The following MAML2 variants were observed in gnomAD, a reference collection of about 807,000 sequenced individuals.
MAML2 encodes mastermind-like protein 2.
Under a neutral mutation model 96.1 loss-of-function variants are expected in MAML2, and 22 were observed. That is an observed-to-expected ratio of 0.23 (90% CI 0.16 to 0.33). MAML2 has a LOEUF of 0.33. Among genes scored for constraint, MAML2 ranks in the 10% least tolerant of loss-of-function variants. The pLI is 1.00. For synonymous variants in MAML2, 561 were observed against 521.3 expected, an observed-to-expected ratio of 1.08 and a Z score of -1.04; for missense variants, 1,367 against 1,392.4, an observed-to-expected ratio of 0.98 and a Z score of 0.29.
intron 2 of MAML2, among the ~76,000 whole-genome samples, chr11:96,034,456 AGTGTGTGT>A (rs1554998954): frequency 1.1e-4 from 16 of 144,734 alleles, no homozygotes; most frequent in Admixed American, 5.5e-4. Context: ...AGAGAGAGAG[AGTGTGTGT>A]GTGTGTGTGT....
chr11:96,092,134 G>C lies in MAML2; in HGVS notation c.1897C>G (p.Gln633Glu), dbSNP rs1859722287. 5.8e-6 allele frequency: 9 copies of C among 1,549,752 alleles called. No individual in the cohort carries two copies. The highest frequency in any genetic ancestry group is 7.9e-6 in the Non-Finnish European group (9 of 1,146,378). Residue 633 changes from glutamine to glutamate, a missense_variant, in exon 2 of 5, where the codon CAG (glutamine) becomes GAG (glutamate). Transcript: ENST00000524717. The surrounding 1 kb of genome is among the most constrained non-coding windows in gnomAD (Gnocchi z 4.1). The stretch of plus-strand genomic sequence containing the variant: ...TGCTGTTGGGCTGAAATTGAGCTCT[G>C]CTGCTGTTGCTGTTGTTGAGCTGAA... ...SISAQQQQQQQSSISAQQQQQ... is the reference protein window; with the variant it reads ...SISAQQQQQQESSISAQQQQQ...
intron 1 of MAML2, among the ~76,000 whole-genome samples, chr11:96,252,922 C>A (rs1456924198): frequency 6.6e-6 from 1 of 152,194 alleles, no homozygotes; most frequent in African/African-American, 2.4e-5. Flanking sequence ...GGTTAAAGGG[C>A]GTAATGGGAT....
intron 1 of MAML2, among the ~76,000 whole-genome samples, chr11:96,338,702 C>T (rs563175561): frequency 5.3e-4 from 80 of 152,320 alleles, no homozygotes; most frequent in African/African-American, 1.9e-3. Flanking sequence ...CTCCAAAGGA[C>T]ATTTATGGCC....
intron 2 of MAML2, among the ~76,000 whole-genome samples, chr11:96,068,034 C>T (rs1238866194): frequency 1.3e-5 from 2 of 152,026 alleles, no homozygotes; most frequent in African/African-American, 4.8e-5. Context: ...TGCCCAAGTT[C>T]GTTTTTTAAA....
At chr11:96,124,785 G>A (rs1160289860) in intron 1 of MAML2, among the ~76,000 whole-genome samples, 4 of 152,284 alleles carry the variant, frequency 2.6e-5, no homozygotes, top group Admixed American at 2.0e-4. Flanking sequence ...AAGGACCACC[G>A]ATCAGGAAAA....
intron 1 of MAML2, among the ~76,000 whole-genome samples, chr11:96,293,113 T>C (rs1449899795): frequency 6.6e-6 from 1 of 152,190 alleles, no homozygotes; most frequent in Non-Finnish European, 1.5e-5. Flanking sequence ...ACAACAGCTA[T>C]AAAGTCATGG....
At chr11:96,279,171 G>A (rs942387521) in intron 1 of MAML2, among the ~76,000 whole-genome samples, 1 of 152,196 alleles carries the variant, frequency 6.6e-6, no homozygotes, top group African/African-American at 2.4e-5. Flanking sequence ...TGAATGATGT[G>A]TCATTCAAGT....
rs945108924 is a variant in MAML2 at position 95,977,592 on chromosome 11, C to T, written c.*1356G>A. On this transcript the variant is annotated 3_prime_UTR_variant, in exon 5 of 5. Coordinates refer to ENST00000524717, the MANE Select transcript of MAML2 (RefSeq NM_032427.4). ...GAAAATGATAGTGATATTTTGCATTCATTCCAAATCAGCACACGTCTTCCC... is the reference window on the plus strand; with the variant it reads ...GAAAATGATAGTGATATTTTGCATTTATTCCAAATCAGCACACGTCTTCCC... 3 of 211,612 alleles carry T rather than the reference C, an allele frequency of 1.4e-5. No homozygotes were observed. The highest frequency in any genetic ancestry group is 6.8e-5 in the African/African-American group (3 of 44,248). 13.1% of individuals were successfully genotyped at this position (211,612 alleles called of 1,614,324 possible). A position where few individuals can be genotyped will look rare whatever the true frequency, so the allele number is the denominator to read the frequency against.
Position 96,143,665 on chromosome 11 carries a change from A to G in MAML2, c.514-50148T>C, listed in dbSNP as rs544356899. On this transcript the variant is annotated intron_variant, in intron 1 of 4. Coordinates refer to ENST00000524717, the MANE Select transcript of MAML2 (RefSeq NM_032427.4). ...TGGAAGATTATTATCCAAAACTCCAAACAACATTAATTCCTTGCACATATT... is the reference window on the plus strand; with the variant it reads ...TGGAAGATTATTATCCAAAACTCCAGACAACATTAATTCCTTGCACATATT... 6.4e-4 allele frequency among the ~76,000 whole-genome samples: 98 copies of G among 152,164 alleles called. 2 individuals are homozygous for G. Among genetic ancestry groups the G allele is most frequent in the Non-Finnish European group, 9.8e-4 (67 of 68,034 alleles).
chr11:96,264,568 C>T (rs947430699), intron 1 of MAML2, among the ~76,000 whole-genome samples: 1 of 152,308 alleles, frequency 6.6e-6, no homozygotes, highest in South Asian at 2.1e-4. Flanking sequence ...CTCTTAGTCA[C>T]GCTGGGCAAG....
chr11:95,979,557 G>T lies in MAML2; in HGVS notation c.2862C>A (p.Asn954Lys), dbSNP rs376571862. 6.2e-7 allele frequency: 1 copy of T among 1,613,874 alleles called. No individual in the cohort carries two copies. Among genetic ancestry groups the T allele is most frequent in the Middle Eastern group, 1.6e-4 (1 of 6,062 alleles). The change falls in exon 5 of 5, where the codon AAC (asparagine) becomes AAA (lysine). Residue 954 changes from asparagine to lysine, a missense_variant. Asn to Lys is a moderately conservative substitution (Grantham distance 94). Coordinates refer to ENST00000524717, the MANE Select transcript of MAML2 (RefSeq NM_032427.4). ...CAGTTGTGTTGGATGTGATCATTAC[G>T]TTTGATGTTCTCTGTGGTGGCATGC... ...MASMPPQRTSNVMITSNTTAP... is the reference protein window; with the variant it reads ...MASMPPQRTSKVMITSNTTAP...
At chr11:96,300,731 G>C (rs776371012) in intron 1 of MAML2, among the ~76,000 whole-genome samples, 1 of 152,174 alleles carries the variant, frequency 6.6e-6, no homozygotes, top group Non-Finnish European at 1.5e-5. Flanking sequence ...TCCCTGTATC[G>C]CATGACATCC....
At chr11:95,982,790 CA>C (rs1196074362) in intron 4 of MAML2, among the ~76,000 whole-genome samples, 4 of 152,140 alleles carry the variant, frequency 2.6e-5, no homozygotes, top group South Asian at 2.1e-4. Context: ...GCATGTATGA[CA>C]GTGGTCCCAT....
chr11:96,033,569 T>C (rs142748071), intron 2 of MAML2, among the ~76,000 whole-genome samples: 8 of 152,338 alleles, frequency 5.3e-5, no homozygotes, highest in Admixed American at 1.3e-4. Flanking sequence ...GCACTGTAAA[T>C]GCTCAAAAAT....
chr11:96,303,981 A>C (rs1863428003), intron 1 of MAML2, among the ~76,000 whole-genome samples: 1 of 152,214 alleles, frequency 6.6e-6, no homozygotes, highest in South Asian at 2.1e-4. Flanking sequence ...TACTATGAGC[A>C]AGGAAGTGGG....
chr11:95,990,484 A>G (rs778738929), intron 3 of MAML2, among the ~76,000 whole-genome samples: 5 of 152,102 alleles, frequency 3.3e-5, no homozygotes, highest in Non-Finnish European at 7.4e-5. Flanking sequence ...CCACTTTCAG[A>G]TATTCGGTAG....
Position 96,077,085 on chromosome 11 carries a change from C to A in MAML2, c.2139+14807G>T, listed in dbSNP as rs374402500. Among the ~76,000 whole-genome samples the A allele has an allele frequency of 5.5e-4, 84 of 152,156 alleles. 2 individuals carry two copies. The South Asian group carries it at 0.017, about 30-fold the overall frequency. On this transcript the variant is annotated intron_variant, in intron 2 of 4. Coordinates refer to ENST00000524717, the MANE Select transcript of MAML2 (RefSeq NM_032427.4). ...CTGCAAACAGAAATGGGCAAGTTAT[C>A]AGAGTTAAAATTGCCTTATAAAGTA... is the stretch of plus-strand genomic sequence containing the variant.
intron 1 of MAML2, among the ~76,000 whole-genome samples, chr11:96,177,257 C>A (rs1314194595): frequency 1.3e-5 from 2 of 152,156 alleles, no homozygotes; most frequent in Non-Finnish European, 2.9e-5. Flanking sequence ...TGAATCATTA[C>A]CTGTATCATG....
intron 2 of MAML2, among the ~76,000 whole-genome samples, chr11:96,066,996 T>G (rs1311288800): frequency 6.6e-6 from 1 of 152,132 alleles, no homozygotes; most frequent in Non-Finnish European, 1.5e-5. Flanking sequence ...GTGGGCAGTG[T>G]GTGTGCACAC....
Sources: gnomAD v4.1 joint callset for allele counts (sites outside exome capture counted in the v4.1 genomes callset) on GRCh38, gnomAD v4.1.1 for gene constraint, Gnocchi (gnomAD v3.1) non-coding constraint, MANE v1.5 for transcripts, NCBI Gene and HGNC (gene_info 2026-07-23, HGNC 2026-07-21) for gene names.